The following PEX14 variants were observed in gnomAD, a reference collection of about 807,000 sequenced individuals.
PEX14 encodes the protein peroxisomal biogenesis factor 14.
PEX14 carries 15 observed loss-of-function variants against 49.5 expected under a neutral mutation model. The observed-to-expected ratio is 0.30, with a 90% CI of 0.20 to 0.47. The LOEUF (loss-of-function observed/expected upper bound fraction) is 0.47, where lower values mean the gene tolerates loss of function less well. Ranked by LOEUF, PEX14 falls within the 20% of genes least tolerant of loss-of-function variation. The pLI is 1.00. For synonymous variants in PEX14, 210 were observed against 212.7 expected (o/e 0.99, Z 0.11); for missense variants, 398 against 494.8 (o/e 0.80, Z 1.86).
At chr1:10,566,199 A>G (rs1342405939) in intron 3 of PEX14, among the ~76,000 whole-genome samples, 4 of 152,218 alleles carry the variant, frequency 2.6e-5, no homozygotes, top group Non-Finnish European at 4.4e-5. Context: ...CATCTTGGTT[A>G]GATGCAGAAA....
chr1:10,524,986 G>A (rs1455992643), intron 2 of PEX14, among the ~76,000 whole-genome samples: 2 of 152,136 alleles, frequency 1.3e-5, no homozygotes, highest in East Asian at 1.9e-4. Context: ...CACCATGCCC[G>A]GCCGGATCAT....
rs892343039 is a variant in PEX14 at position 10,629,323 on chromosome 1, G to C, written c.678-208G>C. Among the ~76,000 whole-genome samples the C allele has an allele frequency of 8.5e-5, 13 of 152,200 alleles. No homozygotes were observed. The highest frequency in any genetic ancestry group is 2.9e-4 in the African/African-American group (12 of 41,450). ...GGGGGGACCCTGGGCTGTCTGTGGG[G>C]GCACAGGACCCGCTTGGCATCTATC... On this transcript the variant is annotated intron_variant, in intron 8 of 8. Coordinates refer to ENST00000356607, the MANE Select transcript of PEX14 (RefSeq NM_004565.3). This position sits in a 1 kb window ranked among gnomAD's most constrained non-coding sequence, Gnocchi z 8.5.
At chr1:10,520,114 A>ACAGGC (rs1237365858) in intron 2 of PEX14, among the ~76,000 whole-genome samples, 1 of 147,788 alleles carries the variant, frequency 6.8e-6, no homozygotes, top group African/African-American at 2.5e-5. Flanking sequence ...TGCTGGGATT[A>ACAGGC]CAGGCATGAG....
intron 3 of PEX14, among the ~76,000 whole-genome samples, chr1:10,568,131 C>T (rs1362137776): frequency 6.6e-6 from 1 of 152,068 alleles, no homozygotes; most frequent in Non-Finnish European, 1.5e-5. Context: ...TCTTCTTTTC[C>T]GTTGCTTATA....
At chr1:10,602,981 C>T (rs977623204) in intron 4 of PEX14, among the ~76,000 whole-genome samples, 12 of 152,214 alleles carry the variant, frequency 7.9e-5, no homozygotes, top group Admixed American at 7.2e-4. Context: ...CCCAAACACT[C>T]AGGTCTCAGG....
chr1:10,563,998 AAC>A (rs869055386), intron 3 of PEX14, among the ~76,000 whole-genome samples: 1 of 146,658 alleles, frequency 6.8e-6, no homozygotes, highest in East Asian at 2.1e-4. Context: ...AAGAAGGTGA[AAC>A]ATGTTTTTAT....
chr1:10,596,597 A>G (rs577945608), intron 3 of PEX14, among the ~76,000 whole-genome samples: 95 of 152,210 alleles, frequency 6.2e-4, no homozygotes, highest in Admixed American at 2.4e-3. Flanking sequence ...CACTGGGCTG[A>G]AGAGGGAGAG....
intron 1 of PEX14, among the ~76,000 whole-genome samples, chr1:10,475,404 G>T (rs927994508): frequency 6.6e-6 from 1 of 152,132 alleles, no homozygotes; most frequent in East Asian, 1.9e-4. Flanking sequence ...TTTCCATTAG[G>T]GTTCCCACTC....
intron 2 of PEX14, among the ~76,000 whole-genome samples, chr1:10,530,663 C>T (rs75629636): frequency 0.019 from 2,880 of 152,326 alleles, 94 homozygotes; most frequent in Admixed American, 0.067. Flanking sequence ...TATTAACTTT[C>T]CCCTCTTACC....
intron 4 of PEX14, among the ~76,000 whole-genome samples, chr1:10,605,241 C>T (rs967455869): frequency 2.6e-5 from 4 of 152,038 alleles, no homozygotes; most frequent in African/African-American, 9.7e-5. Context: ...CCCTGGTGGT[C>T]GGTCGGTGAT....
chr1:10,625,740 G>A (rs1471525662), intron 7 of PEX14, among the ~76,000 whole-genome samples: 1 of 152,268 alleles, frequency 6.6e-6, no homozygotes, highest in Non-Finnish European at 1.5e-5. Context: ...CCTGTGGCCA[G>A]AAGCCATTCC....
At chr1:10,480,576 A>G (rs1265894068) in intron 1 of PEX14, among the ~76,000 whole-genome samples, 1 of 151,656 alleles carries the variant, frequency 6.6e-6, no homozygotes, top group East Asian at 1.9e-4. Context: ...TTGTATTTTT[A>G]GTAGAGATGG....
intron 3 of PEX14, among the ~76,000 whole-genome samples, chr1:10,544,095 C>G (rs976159492): frequency 1.3e-5 from 2 of 152,166 alleles, no homozygotes; most frequent in African/African-American, 4.8e-5. Flanking sequence ...GACAGTTCTA[C>G]AGTTTACAAA....
chr1:10,505,831 C>T (rs918710343), intron 2 of PEX14, among the ~76,000 whole-genome samples: 3 of 151,774 alleles, frequency 2.0e-5, no homozygotes, highest in Non-Finnish European at 4.4e-5. Flanking sequence ...CAGGTGTGTG[C>T]CACCATGCCC....
intron 3 of PEX14, among the ~76,000 whole-genome samples, chr1:10,547,564 A>G (rs1436166182): frequency 6.6e-6 from 1 of 152,188 alleles, no homozygotes; most frequent in Non-Finnish European, 1.5e-5. Context: ...TTATGCTTGC[A>G]TACCTTTGGT....
chr1:10,539,844 TGTGAGGGGG>T lies in PEX14; in HGVS notation c.169+3554_169+3562del, dbSNP rs375928160. Among the ~76,000 whole-genome samples the T allele has an allele frequency of 3.1e-3, 381 of 124,804 alleles. 1 individual carries two copies. The highest frequency in any genetic ancestry group is 0.011 in the African/African-American group (363 of 33,352). 81.9% of individuals were successfully genotyped at this position (124,804 alleles called of 152,430 possible). A position where few individuals can be genotyped will look rare whatever the true frequency, so the allele number is the denominator to read the frequency against. On this transcript the variant is annotated intron_variant, in intron 3 of 8. Transcript: ENST00000356607. The surrounding 1 kb of genome is among the most constrained non-coding windows in gnomAD (Gnocchi z 4.6). ...GAGGTGGGTAATAGTGATGCTTGCT[TGTGAGGGGG>T]GTGAGGTGGGGGAGGGGGATAGAGT...
intron 3 of PEX14, among the ~76,000 whole-genome samples, chr1:10,594,258 T>C (rs547008054): frequency 1.3e-5 from 2 of 152,274 alleles, no homozygotes; most frequent in East Asian, 3.9e-4. Context: ...TTGGGAAGTA[T>C]TTTTAGCCAG....
intron 5 of PEX14, among the ~76,000 whole-genome samples, chr1:10,619,834 G>T (rs968906413): frequency 1.3e-5 from 2 of 152,130 alleles, no homozygotes; most frequent in Non-Finnish European, 2.9e-5. Context: ...GGCTGGGCGC[G>T]GTGGCTCACG....
intron 4 of PEX14, among the ~76,000 whole-genome samples, chr1:10,615,638 G>C (rs975176860): frequency 6.6e-6 from 1 of 152,244 alleles, no homozygotes; most frequent in African/African-American, 2.4e-5. Context: ...ACCCTCTGGG[G>C]GTTCTGAGGC....
Sources: allele counts gnomAD v4.1 joint callset (sites outside exome capture counted in the v4.1 genomes callset), GRCh38; gene constraint gnomAD v4.1.1; non-coding constraint Gnocchi (gnomAD v3.1); transcripts MANE v1.5; gene names NCBI Gene and HGNC (gene_info 2026-07-23, HGNC 2026-07-21).